The following NUMBL variants were observed in gnomAD, a reference collection of about 807,000 sequenced individuals.
NUMBL encodes the protein numb-like protein.
NUMBL carries 20 observed loss-of-function variants against 48.9 expected under a neutral mutation model. The observed-to-expected ratio is 0.41, with a 90% CI of 0.29 to 0.59. NUMBL has a LOEUF of 0.59. Ranked by LOEUF, NUMBL falls within the 20% of genes least tolerant of loss-of-function variation. NUMBL has a pLI of 0.31. For synonymous variants in NUMBL, 340 were observed against 348.7 expected (o/e 0.98, Z 0.28); for missense variants, 660 against 846.2 (o/e 0.78, Z 2.73).
chr19:40,669,934 C>G lies in NUMBL; in HGVS notation c.1123G>C (p.Gly375Arg). Reference sequence around the variant, plus strand: ...GGTGGTGGCCCTGGTGCTGGCGCTCCAGCACTGGCAAAAGATGAACTGATC... The same window carrying G: ...GGTGGTGGCCCTGGTGCTGGCGCTCGAGCACTGGCAAAAGATGAACTGATC... ...TQISSSFASAGAPAPGPPPAT... is the reference protein window; with the variant it reads ...TQISSSFASARAPAPGPPPAT... The change falls in exon 9 of 10, where the codon GGA becomes CGA. Residue 375 changes from glycine (G) to arginine (R), a missense_variant. Gly to Arg is a moderately radical substitution (Grantham distance 125). Coordinates refer to ENST00000252891, the MANE Select transcript of NUMBL (RefSeq NM_004756.5). 1 of 1,614,070 alleles carries G rather than the reference C, an allele frequency of 6.2e-7. No individual in the cohort carries two copies. The highest frequency in any genetic ancestry group is 8.5e-7 in the Non-Finnish European group (1 of 1,179,970).
chr19:40,677,314 G>A lies in NUMBL; in HGVS notation c.648C>T (p.Arg216=), dbSNP rs2081881944. ...AGGAGCCCTCGCGGGCGAAGCTGGTGCGGCTGGCATCGAAGGCGGCCGTGA... is the reference window on the plus strand; with the variant it reads ...AGGAGCCCTCGCGGGCGAAGCTGGTACGGCTGGCATCGAAGGCGGCCGTGA... ...CGVTAAFDAS[R]TSFAREGSFR... Residue 216 remains arginine (R), a synonymous_variant, in exon 7 of 10, where the codon CGC becomes CGT. Transcript: ENST00000252891. 1 of 1,611,652 alleles carries A rather than the reference G, an allele frequency of 6.2e-7. No homozygotes were observed. The highest frequency in any genetic ancestry group is 1.7e-5 in the Admixed American group (1 of 59,928).
intron 3 of NUMBL, chr19:40,684,068 GTTTTT>G (rs10684015): frequency 6.0e-4 from 75 of 125,180 alleles, no homozygotes; most frequent in African/African-American, 2.0e-3. Context: ...TACGCTTCAA[GTTTTT>G]TTTTTTTTTT....
At chr19:40,671,645 C>T (rs967053864) in intron 8 of NUMBL, among the ~76,000 whole-genome samples, 7 of 152,170 alleles carry the variant, frequency 4.6e-5, no homozygotes, top group African/African-American at 7.2e-5. Flanking sequence ...ATCTGCTCAC[C>T]GGTTACCTTT....
At position 40,673,285 on chromosome 19, in the gene NUMBL, C is replaced by T; in HGVS notation, c.1036+59G>A. ...TGAACCATCTCGCCTCCATCCCTTG[C>T]CCACATCAGATAGTGCCAATTGATT... On this transcript the variant is annotated intron_variant, in intron 8 of 9. Coordinates refer to ENST00000252891, the MANE Select transcript of NUMBL (RefSeq NM_004756.5). This position sits in a 1 kb window ranked among gnomAD's most constrained non-coding sequence, Gnocchi z 5.9. The T allele has an allele frequency of 3.3e-6, 5 of 1,501,464 alleles. No individual in the cohort carries two copies. The highest frequency in any genetic ancestry group is 4.5e-6 in the Non-Finnish European group (5 of 1,114,408). 93.0% of individuals were successfully genotyped at this position (1,501,464 alleles called of 1,614,324 possible). A position where few individuals can be genotyped will look rare whatever the true frequency, so the allele number is the denominator to read the frequency against.
Position 40,667,898 on chromosome 19 carries a change from A to G in NUMBL, c.1400T>C (p.Val467Ala). The G allele has an allele frequency of 6.3e-7, 1 of 1,578,090 alleles. No individual in the cohort carries two copies. Among genetic ancestry groups the G allele is most frequent in the South Asian group, 1.2e-5 (1 of 86,494 alleles). Residue 467 changes from valine to alanine, a missense_variant, in exon 10 of 10, where the codon GTG becomes GCG. Transcript: ENST00000252891. This position sits in a 1 kb window ranked among gnomAD's most constrained non-coding sequence, Gnocchi z 6.1. ...PPALQPFPAPVGPFDAAPAQV... is the reference protein window; with the variant it reads ...PPALQPFPAPAGPFDAAPAQV... ...GGCAGGTGCAGCGTCAAAGGGCCCC[A>G]CGGGGGCGGGGAAAGGCTGCAGGGC...
chr19:40,684,497 C>G lies in NUMBL; in HGVS notation c.169G>C (p.Val57Leu). ...TGGTGCGGGCGCGACGCCTCGGGCA[C>G]GTAGGCTGGCTTCCTCCGCCGCAGG... is the stretch of plus-strand genomic sequence containing the variant. ...QSLRRRKPAY[V>L]PEASRPHQWQ... Residue 57 changes from valine to leucine, a missense_variant, in exon 3 of 10, where the codon GTG becomes CTG. Around this residue, in one of 3 missense-constraint regions of NUMBL, gnomAD observed 86 missense variants for 85.9 expected, o/e 1.00. Transcript: ENST00000252891. The G allele has an allele frequency of 1.2e-6, 2 of 1,602,228 alleles. No individual in the cohort carries two copies. The highest frequency in any genetic ancestry group is 1.7e-5 in the Admixed American group (1 of 58,322).
Position 40,673,650 on chromosome 19 carries a change from C to G in NUMBL, c.731-1G>C, listed in dbSNP as rs2081860283. 1 of 1,478,228 alleles carries G rather than the reference C, an allele frequency of 6.8e-7. No homozygotes were observed. Among genetic ancestry groups the G allele is most frequent in the Non-Finnish European group, 9.0e-7 (1 of 1,110,872 alleles). The allele number at this position is 1,478,228 out of a possible 1,614,324, so 91.6% of individuals were successfully genotyped here. On this transcript the variant is annotated splice_acceptor_variant, in intron 7 of 9. Coordinates refer to ENST00000252891, the MANE Select transcript of NUMBL (RefSeq NM_004756.5). LOFTEE classifies it high-confidence loss of function. The surrounding 1 kb of genome is among the most constrained non-coding windows in gnomAD (Gnocchi z 5.9). ...ACAGTGGGGGCAGCTGCTGCCTCTG[C>G]TGGAGACATGGGGGAGATGGATGGT...
At chr19:40,689,412 A>G (rs2081950539) in intron 1 of NUMBL, among the ~76,000 whole-genome samples, 1 of 151,954 alleles carries the variant, frequency 6.6e-6, no homozygotes, top group African/African-American at 2.4e-5. Context: ...ACACCACCAC[A>G]AGCACACACA....
intron 5 of NUMBL, among the ~76,000 whole-genome samples, chr19:40,681,604 C>T (rs915363210): frequency 2.0e-5 from 3 of 152,032 alleles, no homozygotes; most frequent in Non-Finnish European, 4.4e-5. Flanking sequence ...GGCAGGGTGA[C>T]AATAAACACT....
At chr19:40,671,022 G>A (rs995939305) in intron 8 of NUMBL, among the ~76,000 whole-genome samples, 2 of 152,126 alleles carry the variant, frequency 1.3e-5, no homozygotes, top group East Asian at 1.9e-4. Context: ...TGTTGCCCAG[G>A]CTGGAGTGTA....
At chr19:40,683,756 T>C (rs2081917984) in intron 3 of NUMBL, among the ~76,000 whole-genome samples, 1 of 140,408 alleles carries the variant, frequency 7.1e-6, no homozygotes, top group Non-Finnish European at 1.6e-5. Flanking sequence ...AATAGTTTGC[T>C]GGTACAAAAA....
intron 6 of NUMBL, among the ~76,000 whole-genome samples, chr19:40,677,843 G>A (rs1350469495): frequency 2.6e-5 from 4 of 152,060 alleles, no homozygotes; most frequent in Non-Finnish European, 5.9e-5. Context: ...GTGAGATTCT[G>A]TCTAAAAAAA....
chr19:40,681,263 C>A (rs117496911), intron 5 of NUMBL, among the ~76,000 whole-genome samples: 4,372 of 152,196 alleles, frequency 0.029, 114 homozygotes, highest in Non-Finnish European at 0.036. Context: ...AGAGTCATAG[C>A]CAGGATGTGA....
intron 2 of NUMBL, among the ~76,000 whole-genome samples, chr19:40,686,405 T>G (rs10402624): frequency 0.41 from 62,323 of 151,730 alleles, 13,359 homozygotes; most frequent in African/African-American, 0.53. Flanking sequence ...CAGGTGATCC[T>G]CCCGCCTCAG....
At chr19:40,672,703 A>G (rs1180190996) in intron 8 of NUMBL, among the ~76,000 whole-genome samples, 1 of 152,218 alleles carries the variant, frequency 6.6e-6, no homozygotes, top group Non-Finnish European at 1.5e-5. Flanking sequence ...GATGTGTGCC[A>G]TCTTTCTCGT....
At chr19:40,684,265 T>C (rs2081921750) in intron 3 of NUMBL, 152 bp downstream of exon 3, 1 of 782,548 alleles carries the variant, frequency 1.3e-6, no homozygotes, top group East Asian at 3.1e-5. Context: ...AGCCGGGGTT[T>C]CACCGTGATA....
rs1261976441 is a variant in NUMBL at position 40,673,570 on chromosome 19, G to T, written c.810C>A (p.Ser270=). Residue 270 remains serine (S), a synonymous_variant, in exon 8 of 10, where the codon TCC becomes TCA. Transcript: ENST00000252891. The surrounding 1 kb of genome is among the most constrained non-coding windows in gnomAD (Gnocchi z 5.9). The part of the protein sequence containing the change: ...GHVSPTPATT[S]PGEKGEAGTP... ...TGCCTGCCTCACCCTTCTCACCAGG[G>T]GATGTGGTGGCTGGTGTCGGGGACA... is the stretch of plus-strand genomic sequence containing the variant. The T allele has an allele frequency of 3.2e-6, 5 of 1,546,842 alleles. No individual in the cohort carries two copies. Among genetic ancestry groups the T allele is most frequent in the Non-Finnish European group, 4.4e-6 (5 of 1,143,626 alleles).
intron 2 of NUMBL, 60 bp downstream of exon 2, chr19:40,686,851 T>C: frequency 9.7e-7 from 1 of 1,031,012 alleles, no homozygotes; most frequent in Non-Finnish European, 1.5e-6. Context: ...GCTCCTCTGG[T>C]CGTGTTAGGC....
At chr19:40,683,040 C>A in intron 3 of NUMBL, 72 bp from the exon 4 acceptor site, 3 of 1,279,636 alleles carry the variant, frequency 2.3e-6, no homozygotes, top group Non-Finnish European at 3.4e-6. Flanking sequence ...GTCCACTGAG[C>A]ATCTGCCATG....
Sources: allele counts gnomAD v4.1 joint callset (sites outside exome capture counted in the v4.1 genomes callset), GRCh38; gene constraint gnomAD v4.1.1; regional missense constraint gnomAD v4.1.1; non-coding constraint Gnocchi (gnomAD v3.1); transcripts MANE v1.5; gene names NCBI Gene and HGNC (gene_info 2026-07-23, HGNC 2026-07-21).